The following ATF6 variants were observed in gnomAD, a reference collection of about 807,000 sequenced individuals.
ATF6 encodes cyclic AMP-dependent transcription factor ATF-6 alpha.
ATF6 carries 53 observed loss-of-function variants against 83.6 expected under a neutral mutation model. The ratio of observed to expected loss-of-function variants is 0.63; its 90% CI spans 0.51 to 0.80. The LOEUF is 0.80. ATF6 is among the 30% of genes least tolerant of loss of function. The probability of loss-of-function intolerance (pLI) is 0.00; values close to 1 mark genes in which losing one functional copy is unlikely to be tolerated. For missense variants in ATF6, 744 were observed against 797.9 expected, an observed-to-expected ratio of 0.93 and a Z score of 0.81; for synonymous variants, 288 against 285.8, an observed-to-expected ratio of 1.01 and a Z score of -0.08.
chr1:161,956,708 A>G (rs538071671), intron 15 of ATF6, among the ~76,000 whole-genome samples: 2 of 152,354 alleles, frequency 1.3e-5, no homozygotes, highest in East Asian at 3.9e-4. Context: ...AGATTTTCAA[A>G]ACTGGTAATG....
intron 7 of ATF6, among the ~76,000 whole-genome samples, chr1:161,813,708 T>C (rs1685532084): frequency 6.6e-6 from 1 of 152,198 alleles, no homozygotes; most frequent in African/African-American, 2.4e-5. Context: ...TTTACTAATA[T>C]GTAAATACAC....
intron 14 of ATF6, among the ~76,000 whole-genome samples, chr1:161,875,686 C>T (rs1219837512): frequency 1.3e-5 from 2 of 151,772 alleles, no homozygotes; most frequent in Non-Finnish European, 3.0e-5. Context: ...CAAGGCTAAA[C>T]AACTATAATT....
At chr1:161,783,477 G>A (rs1431281481) in intron 3 of ATF6, among the ~76,000 whole-genome samples, 2 of 152,134 alleles carry the variant, frequency 1.3e-5, no homozygotes, top group Middle Eastern at 3.4e-3. Flanking sequence ...TAGTTTAAAA[G>A]ATATGAACAT....
At chr1:161,857,118 T>C (rs1030963940) in intron 12 of ATF6, among the ~76,000 whole-genome samples, 1 of 152,182 alleles carries the variant, frequency 6.6e-6, no homozygotes, top group Non-Finnish European at 1.5e-5. Flanking sequence ...CCAAAGCATA[T>C]CAAGATTTTA....
intron 14 of ATF6, among the ~76,000 whole-genome samples, chr1:161,882,862 A>G (rs1378119135): frequency 6.6e-6 from 1 of 151,884 alleles, no homozygotes; most frequent in Non-Finnish European, 1.5e-5. Context: ...TAAGTTAAGT[A>G]CTGGCACAGT....
chr1:161,778,809 A>G (rs148708153), intron 2 of ATF6, among the ~76,000 whole-genome samples: 336 of 152,256 alleles, frequency 2.2e-3, no homozygotes, highest in African/African-American at 7.8e-3. Flanking sequence ...TGTGAAAACT[A>G]TTATAACACT....
At chr1:161,852,325 A>G (rs1024020779) in intron 11 of ATF6, among the ~76,000 whole-genome samples, 1 of 152,184 alleles carries the variant, frequency 6.6e-6, no homozygotes, top group Non-Finnish European at 1.5e-5. Flanking sequence ...ACAGTTAAAC[A>G]TAGTTTAACA....
At chr1:161,942,945 T>C (rs976030785) in intron 15 of ATF6, among the ~76,000 whole-genome samples, 4 of 152,220 alleles carry the variant, frequency 2.6e-5, no homozygotes, top group African/African-American at 9.6e-5. Context: ...AACCTCCGCC[T>C]CCAGGGTTCA....
intron 2 of ATF6, 68 bp from the exon 3 acceptor site, chr1:161,781,844 C>T: frequency 9.5e-7 from 1 of 1,055,102 alleles, no homozygotes; most frequent in Non-Finnish European, 1.4e-6. Context: ...AATTGTGTCT[C>T]ACAGTTTGAT....
chr1:161,915,598 G>A (rs1410442278), intron 15 of ATF6, among the ~76,000 whole-genome samples: 1 of 151,694 alleles, frequency 6.6e-6, no homozygotes, highest in African/African-American at 2.4e-5. Context: ...TTCTCTACTG[G>A]GTCATTCCCA....
intron 4 of ATF6, among the ~76,000 whole-genome samples, chr1:161,787,692 T>C (rs1684776430): frequency 6.6e-6 from 1 of 152,220 alleles, no homozygotes; most frequent in Non-Finnish European, 1.5e-5. Flanking sequence ...TCATGAGATA[T>C]TATTTTTAGT....
At position 161,817,163 on chromosome 1, in the gene ATF6, G is replaced by T. The variant is rs113836060; in HGVS notation, c.910-2470G>T. Among the ~76,000 whole-genome samples, 425 of 152,238 alleles carry T rather than the reference G, an allele frequency of 2.8e-3. 3 individuals carry two copies. Among genetic ancestry groups the T allele is most frequent in the African/African-American group, 9.6e-3 (397 of 41,548 alleles). ...CTTGAATGCTGTGTAATATTCAGGT[G>T]CTTTTATTGTTTATAGAAATGCCTA... On this transcript the variant is annotated intron_variant, in intron 7 of 15. Transcript: ENST00000367942.
At chr1:161,859,214 CT>C (rs1686827638) in intron 12 of ATF6, among the ~76,000 whole-genome samples, 1 of 152,136 alleles carries the variant, frequency 6.6e-6, no homozygotes, top group Non-Finnish European at 1.5e-5. Context: ...AGATCCTTGA[CT>C]TGTTACAGAG....
intron 6 of ATF6, among the ~76,000 whole-genome samples, chr1:161,800,312 T>C (rs1685115630): frequency 6.6e-6 from 1 of 152,192 alleles, no homozygotes; most frequent in Non-Finnish European, 1.5e-5. Flanking sequence ...CATGTATATC[T>C]CATACACATA....
chr1:161,956,710 C>G (rs1371008445), intron 15 of ATF6, among the ~76,000 whole-genome samples: 1 of 152,158 alleles, frequency 6.6e-6, no homozygotes, highest in African/African-American at 2.4e-5. Context: ...ATTTTCAAAA[C>G]TGGTAATGGG....
rs977291070 is a variant in ATF6, at chr1:161,910,592, A to G, written c.1720-1704A>G. Among the ~76,000 whole-genome samples, 105 of 152,198 alleles carry G rather than the reference A, an allele frequency of 6.9e-4. 1 individual carries two copies. The highest frequency in any genetic ancestry group is 2.5e-3 in the African/African-American group (102 of 41,450). On this transcript the variant is annotated intron_variant, in intron 14 of 15. Transcript: ENST00000367942. ...TTAAGTCTGAGCCTGACCTTAACCC[A>G]TGACCAGTGGAATCTAAGTTTGTTT...
chr1:161,837,179 A>C (rs1557987670), intron 9 of ATF6, among the ~76,000 whole-genome samples: 3 of 152,244 alleles, frequency 2.0e-5, no homozygotes, highest in Admixed American at 2.0e-4. Flanking sequence ...TATTAAGGGT[A>C]GTATAGGATA....
chr1:161,791,092 GTGTGTGTGTGTCTC>G (rs1468705225), intron 4 of ATF6, among the ~76,000 whole-genome samples: 4 of 143,838 alleles, frequency 2.8e-5, no homozygotes, highest in African/African-American at 1.1e-4. Context: ...GTCTCTGTGT[GTGTGTGTGTGTCTC>G]TGTGTGTGTG....
At chr1:161,902,674 G>A (rs569404683) in intron 14 of ATF6, among the ~76,000 whole-genome samples, 5 of 152,288 alleles carry the variant, frequency 3.3e-5, no homozygotes, top group East Asian at 1.9e-4. Flanking sequence ...ATTATAAATC[G>A]TTTGTGGTTA....
Sources: gnomAD v4.1 joint callset for allele counts (sites outside exome capture counted in the v4.1 genomes callset) on GRCh38, gnomAD v4.1.1 for gene constraint, MANE v1.5 for transcripts, NCBI Gene and HGNC (gene_info 2026-07-23, HGNC 2026-07-21) for gene names.